Variants in UNC79 observed in about 807,000 individuals in gnomAD.
The protein encoded by UNC79 is protein unc-79 homolog.
Under a neutral mutation model 283.1 loss-of-function variants are expected in UNC79, and 37 were observed. The observed-to-expected ratio is 0.13, with a 90% CI of 0.10 to 0.17. The LOEUF is 0.17. Among genes scored for constraint, UNC79 ranks in the 10% least tolerant of loss-of-function variants. The probability of loss-of-function intolerance (pLI) is 1.00; values close to 1 mark genes in which losing one functional copy is unlikely to be tolerated. For missense variants in UNC79, 2,272 were observed against 3,211.1 expected, an observed-to-expected ratio of 0.71 and a Z score of 7.07; for synonymous variants, 1,107 against 1,200.2, an observed-to-expected ratio of 0.92 and a Z score of 1.61.
At chr14:93,417,381 C>T (rs369778605) in intron 1 of UNC79, among the ~76,000 whole-genome samples, 3,684 of 152,208 alleles carry the variant, frequency 0.024, 56 homozygotes, top group South Asian at 0.075. Context: ...GAGTTTCTGC[C>T]GAGAGATCCG....
chr14:93,467,523 T>C, intron 1 of UNC79, 148 bp from the exon 2 acceptor site: 1 of 992,152 alleles, frequency 1.0e-6, no homozygotes, highest in Non-Finnish European at 1.3e-6. Context: ...AATTTACTTA[T>C]GTTTCTTAAA....
At chr14:93,572,111 T>TG (rs1384138888) in intron 15 of UNC79, 27 bp downstream of exon 15, 31 of 1,607,672 alleles carry the variant, frequency 1.9e-5, no homozygotes, top group Non-Finnish European at 2.6e-5. Flanking sequence ...ATGAAGTCAC[T>TG]GTAATTATAA....
intron 7 of UNC79, among the ~76,000 whole-genome samples, chr14:93,507,817 C>CA (rs1168765031): frequency 6.6e-6 from 1 of 152,086 alleles, no homozygotes; most frequent in African/African-American, 2.4e-5. Flanking sequence ...TTTCTCCTTC[C>CA]AGAAGGTCTA....
At chr14:93,449,969 C>T (rs933087919) in intron 1 of UNC79, among the ~76,000 whole-genome samples, 4 of 152,124 alleles carry the variant, frequency 2.6e-5, no homozygotes, top group Non-Finnish European at 4.4e-5. Flanking sequence ...CATAATTGTA[C>T]GCCCTCTTTC....
At chr14:93,550,366 T>G (rs1231226689) in intron 14 of UNC79, among the ~76,000 whole-genome samples, 1 of 151,822 alleles carries the variant, frequency 6.6e-6, no homozygotes, top group African/African-American at 2.4e-5. Flanking sequence ...AATACAAAAA[T>G]TAGCTGGGCA....
intron 1 of UNC79, among the ~76,000 whole-genome samples, chr14:93,396,658 A>C (rs1052263069): frequency 2.0e-5 from 3 of 151,980 alleles, no homozygotes; most frequent in Non-Finnish European, 4.4e-5. Context: ...TCTATATTCT[A>C]TGTGGCTATT....
intron 22 of UNC79, among the ~76,000 whole-genome samples, chr14:93,587,631 A>C (rs1336031737): frequency 6.6e-6 from 1 of 152,174 alleles, no homozygotes; most frequent in African/African-American, 2.4e-5. Context: ...TTTGCAATCT[A>C]GTTTGGAAGG....
In UNC79 at chr14:93,477,852, A is replaced by G. The variant is rs761043152; in HGVS notation, c.619+124A>G. The G allele has an allele frequency of 1.8e-5, 16 of 883,554 alleles. No homozygotes were observed. The Admixed American group carries it at 2.1e-4, about 12-fold the overall frequency. 54.7% of individuals were successfully genotyped at this position (883,554 alleles called of 1,614,324 possible). ...GAATCACTTGATATATACAGGAGCT[A>G]TGATTTCAATTCAGTCACTTTAGCA... is the stretch of plus-strand genomic sequence containing the variant. On this transcript the variant is annotated intron_variant, in intron 4 of 48. Coordinates refer to ENST00000555664, the Ensembl canonical transcript of UNC79.
At chr14:93,365,740 CAGTG>C (rs1282123498) in intron 1 of UNC79, among the ~76,000 whole-genome samples, 2 of 151,766 alleles carry the variant, frequency 1.3e-5, no homozygotes, top group African/African-American at 2.4e-5. Context: ...GAATTAGAAA[CAGTG>C]AGAAAAAAGG....
intron 1 of UNC79, among the ~76,000 whole-genome samples, chr14:93,404,448 C>T (rs2055173771): frequency 8.1e-6 from 1 of 123,954 alleles, no homozygotes; most frequent in South Asian, 2.5e-4. Context: ...TATGATCACA[C>T]CACTGCATTT....
chr14:93,540,573 TA>T (rs2061328880), intron 12 of UNC79, 86 bp from the exon 13 acceptor site: 2 of 1,449,116 alleles, frequency 1.4e-6, no homozygotes, highest in Non-Finnish European at 1.9e-6. Flanking sequence ...GATGCTTGAG[TA>T]CTCGTGAGGT....
chr14:93,467,684 C>G, exon 2 of UNC79: 1 of 614,170 alleles, frequency 1.6e-6, no homozygotes, highest in Non-Finnish European at 2.1e-6. Flanking sequence ...CTTCCAAGAT[C>G]CGGTACTTGC....
intron 41 of UNC79, among the ~76,000 whole-genome samples, chr14:93,674,317 G>T (rs1392463734): frequency 6.6e-6 from 1 of 152,170 alleles, no homozygotes; most frequent in African/African-American, 2.4e-5. Flanking sequence ...TAGAGAGGTT[G>T]ACTGGCTTCA....
At chr14:93,535,349 C>G (rs1162801849) in intron 11 of UNC79, among the ~76,000 whole-genome samples, 1 of 152,150 alleles carries the variant, frequency 6.6e-6, no homozygotes, top group Non-Finnish European at 1.5e-5. Flanking sequence ...TATTTTATTG[C>G]TGACATTGTT....
chr14:93,639,638 T>C (rs2140180523), intron 32 of UNC79, among the ~76,000 whole-genome samples: 1 of 152,380 alleles, frequency 6.6e-6, no homozygotes, highest in Admixed American at 6.5e-5. Context: ...GGAAGTGACA[T>C]AAAGATATTT....
chr14:93,385,842 A>C (rs1595414497), intron 1 of UNC79, among the ~76,000 whole-genome samples: 1 of 151,968 alleles, frequency 6.6e-6, no homozygotes. Context: ...AGCTTTACTG[A>C]ATTTGTTTAT....
At chr14:93,466,168 G>A (rs2057169892) in intron 1 of UNC79, among the ~76,000 whole-genome samples, 1 of 152,202 alleles carries the variant, frequency 6.6e-6, no homozygotes, top group South Asian at 2.1e-4. Context: ...TAGACTCAAG[G>A]TATTATTATC....
chr14:93,642,210 G>A (rs1422697063), intron 33 of UNC79, among the ~76,000 whole-genome samples: 2 of 152,020 alleles, frequency 1.3e-5, no homozygotes, highest in Admixed American at 1.3e-4. Context: ...GGATCACGAG[G>A]TCAGGAGATC....
intron 7 of UNC79, among the ~76,000 whole-genome samples, chr14:93,505,213 T>C (rs2059470962): frequency 6.6e-6 from 1 of 152,126 alleles, no homozygotes; most frequent in Non-Finnish European, 1.5e-5. Flanking sequence ...ATTCTCATGA[T>C]ATTTTTGCCC....
Sources: allele counts gnomAD v4.1 joint callset (sites outside exome capture counted in the v4.1 genomes callset), GRCh38; gene constraint gnomAD v4.1.1; transcripts MANE v1.5; gene names NCBI Gene and HGNC (gene_info 2026-07-23, HGNC 2026-07-21).